The following EPM2A variants were observed in gnomAD, a reference collection of about 807,000 sequenced individuals.
EPM2A encodes the protein EPM2A glucan phosphatase, laforin.
A neutral mutation model predicts 26.5 loss-of-function variants in EPM2A; 21 were observed. The observed-to-expected ratio is 0.79, with a 90% confidence interval of 0.56 to 1.14. The LOEUF (loss-of-function observed/expected upper bound fraction) is 1.14. Among genes scored for constraint, EPM2A ranks in the 50% most tolerant of loss-of-function variants. EPM2A has a pLI of 0.00. For synonymous variants in EPM2A, 217 were observed against 177.6 expected, an observed-to-expected ratio of 1.22 and a Z score of -1.76; for missense variants, 458 against 440.8, an observed-to-expected ratio of 1.04 and a Z score of -0.35.
chr6:145,717,046 A>G lies in EPM2A; in HGVS notation c.301+18152T>C, dbSNP rs528139593. 2.6e-5 allele frequency among the ~76,000 whole-genome samples: 4 copies of G among 152,242 alleles called. No homozygotes were observed. The South Asian group carries it at 8.3e-4, about 32-fold the overall frequency. ...AGAAGAACTTCTTCCACAACATTGC[A>G]TATGGGTACCATTCCTTCTGAAACT... On this transcript the variant is annotated intron_variant, in intron 1 of 3. Transcript: ENST00000367519.
At chr6:145,590,272 A>G (rs2128547654) in intron 2 of EPM2A, among the ~76,000 whole-genome samples, 1 of 152,104 alleles carries the variant, frequency 6.6e-6, no homozygotes, top group Non-Finnish European at 1.5e-5. Flanking sequence ...CTCCCCTCAC[A>G]ATTCTGTCAG....
At chr6:145,502,849 C>A (rs1225059942) in intron 2 of EPM2A, among the ~76,000 whole-genome samples, 2 of 152,166 alleles carry the variant, frequency 1.3e-5, no homozygotes, top group Non-Finnish European at 2.9e-5. Context: ...TTAAGGCTTT[C>A]ACTGAATAAT....
chr6:145,686,331 A>T, intron 1 of EPM2A, 35 bp from the exon 2 acceptor site: 1 of 1,566,872 alleles, frequency 6.4e-7, no homozygotes, highest in South Asian at 1.1e-5. Context: ...AGAGCAATTA[A>T]ATCAGTGTTT....
At chr6:145,627,934 T>A (rs1396578502) in intron 3 of EPM2A, 2 of 580,106 alleles carry the variant, frequency 3.4e-6, no homozygotes, top group African/African-American at 3.7e-5. Context: ...TGGGTATTGC[T>A]GCTCCTTTGG....
At chr6:145,439,550 A>G (rs1779034669) in intron 4 of EPM2A, among the ~76,000 whole-genome samples, 1 of 152,044 alleles carries the variant, frequency 6.6e-6, no homozygotes, top group South Asian at 2.1e-4. Flanking sequence ...TTTGATTTGC[A>G]TTTCTTTAAC....
chr6:145,513,307 C>G (rs1448370140), intron 2 of EPM2A, among the ~76,000 whole-genome samples: 1 of 151,974 alleles, frequency 6.6e-6, no homozygotes, highest in Non-Finnish European at 1.5e-5. Context: ...AAAAAATGTT[C>G]AACATAACTA....
At chr6:145,669,410 G>T (rs1251540065) in intron 2 of EPM2A, among the ~76,000 whole-genome samples, 2 of 152,160 alleles carry the variant, frequency 1.3e-5, no homozygotes. Context: ...AGTGGACTAT[G>T]ATCTAAGAAA....
chr6:145,646,741 A>C (rs1292335), intron 2 of EPM2A, among the ~76,000 whole-genome samples: 59,248 of 151,938 alleles, frequency 0.39, 14,116 homozygotes, highest in Non-Finnish European at 0.52. Context: ...CAAATCCATT[A>C]TCTCTAGCTC....
intron 2 of EPM2A, among the ~76,000 whole-genome samples, chr6:145,609,416 TA>T (rs1386080428): frequency 5.3e-5 from 8 of 152,314 alleles, no homozygotes; most frequent in African/African-American, 1.4e-4. Flanking sequence ...GAATTGTGAG[TA>T]AAAATTTCAC....
intron 4 of EPM2A, among the ~76,000 whole-genome samples, chr6:145,425,030 A>G (rs1778834806): frequency 6.6e-6 from 1 of 152,200 alleles, no homozygotes; most frequent in Non-Finnish European, 1.5e-5. Flanking sequence ...CCACATATCT[A>G]TATACAGTAC....
At chr6:145,627,869 A>G in intron 3 of EPM2A, 176 bp from the exon 4 acceptor site, 1 of 855,128 alleles carries the variant, frequency 1.2e-6, no homozygotes, top group Non-Finnish European at 1.8e-6. Context: ...ACAATCTGCT[A>G]ATAGCAAAGT....
chr6:145,477,670 G>A (rs1045746133), intron 4 of EPM2A, among the ~76,000 whole-genome samples: 5 of 151,608 alleles, frequency 3.3e-5, no homozygotes, highest in African/African-American at 4.8e-5. Flanking sequence ...ATCAAATGAG[G>A]GATAAAAACC....
intron 2 of EPM2A, among the ~76,000 whole-genome samples, chr6:145,587,041 C>T (rs1781204836): frequency 6.6e-6 from 1 of 152,032 alleles, no homozygotes; most frequent in Non-Finnish European, 1.5e-5. Flanking sequence ...TGTTTGAAAC[C>T]CTTGAAAACT....
intron 4 of EPM2A, among the ~76,000 whole-genome samples, chr6:145,440,823 G>T (rs1779052433): frequency 6.6e-6 from 1 of 152,216 alleles, no homozygotes; most frequent in South Asian, 2.1e-4. Context: ...GGGCAGCTCT[G>T]CCCTATGGCC....
intron 4 of EPM2A, among the ~76,000 whole-genome samples, chr6:145,440,228 G>C (rs139875569): frequency 6.6e-6 from 1 of 152,340 alleles, no homozygotes; most frequent in Non-Finnish European, 1.5e-5. Flanking sequence ...GGAGAAGAGA[G>C]AGAGCCAAGT....
At chr6:145,500,350 T>C (rs1213777959), downstream of EPM2A, among the ~76,000 whole-genome samples, 1 of 152,188 alleles carries the variant, frequency 6.6e-6, no homozygotes, top group East Asian at 1.9e-4. Context: ...GTAGTCCCAG[T>C]AGAGGTGAGA....
intron 4 of EPM2A, among the ~76,000 whole-genome samples, chr6:145,431,505 A>G (rs1778921148): frequency 6.6e-6 from 1 of 152,246 alleles, no homozygotes; most frequent in Admixed American, 6.5e-5. Context: ...AGTATATATA[A>G]AAGTTATGTT....
At chr6:145,650,272 C>T (rs756606762) in intron 2 of EPM2A, among the ~76,000 whole-genome samples, 4 of 152,004 alleles carry the variant, frequency 2.6e-5, no homozygotes, top group African/African-American at 7.3e-5. Context: ...TGTCCTTGAC[C>T]GGGTGCGGTG....
At chr6:145,391,404 C>T (rs4896799) in intron 4 of EPM2A, among the ~76,000 whole-genome samples, 1 of 151,970 alleles carries the variant, frequency 6.6e-6, no homozygotes, top group African/African-American at 2.4e-5. Flanking sequence ...TTTGTGTCCT[C>T]TACTTCACCT....
Sources: gnomAD v4.1 joint callset for allele counts (sites outside exome capture counted in the v4.1 genomes callset) on GRCh38, gnomAD v4.1.1 for gene constraint, MANE v1.5 for transcripts, NCBI Gene and HGNC (gene_info 2026-07-23, HGNC 2026-07-21) for gene names.